Variants in DOCK8 observed in about 807,000 individuals in gnomAD.
The protein encoded by DOCK8 is dedicator of cytokinesis protein 8.
DOCK8 carries 141 observed loss-of-function variants against 245.6 expected under a neutral mutation model. That is an observed-to-expected ratio of 0.57 (90% CI 0.50 to 0.66). The LOEUF is 0.66. DOCK8 is among the 30% of genes least tolerant of loss of function. The pLI is 0.00. For missense variants in DOCK8, 2,965 were observed against 2,603.4 expected (o/e 1.14, Z -3.02); for synonymous variants, 1,168 against 970.2 (o/e 1.20, Z -3.79).
At chr9:378,151 G>A (rs1391319684) in intron 20 of DOCK8, among the ~76,000 whole-genome samples, 1 of 152,208 alleles carries the variant, frequency 6.6e-6, no homozygotes, top group African/African-American at 2.4e-5. Context: ...ACTCCTCAAA[G>A]GGACACAGCT....
chr9:434,704 GA>G, intron 38 of DOCK8, 78 bp from the exon 39 acceptor site: 2 of 1,508,006 alleles, frequency 1.3e-6, no homozygotes, highest in Non-Finnish European at 9.1e-7. Flanking sequence ...GAGAAAAAAA[GA>G]AAAGGTCACA....
At chr9:284,806 C>G (rs1482448003) in intron 2 of DOCK8, among the ~76,000 whole-genome samples, 1 of 152,136 alleles carries the variant, frequency 6.6e-6, no homozygotes, top group African/African-American at 2.4e-5. Flanking sequence ...ATGGATGGAA[C>G]TGGAGGCTAT....
intron 6 of DOCK8, among the ~76,000 whole-genome samples, chr9:315,482 G>C (rs1226695410): frequency 6.6e-6 from 1 of 152,116 alleles, no homozygotes; most frequent in Non-Finnish European, 1.5e-5. Flanking sequence ...GAGACAGTCA[G>C]GGAAATTTGA....
intron 1 of DOCK8, among the ~76,000 whole-genome samples, chr9:224,973 C>T (rs1054019441): frequency 1.3e-5 from 2 of 152,298 alleles, no homozygotes; most frequent in East Asian, 3.9e-4. Flanking sequence ...TAATATCTTA[C>T]TCTTTCATTC....
At chr9:390,645 A>G in intron 24 of DOCK8, 79 bp downstream of exon 24, 4 of 1,388,156 alleles carry the variant, frequency 2.9e-6, no homozygotes, top group Non-Finnish European at 4.1e-6. Context: ...CATTTTGTTC[A>G]CTGAGTTGCC....
chr9:340,992 T>G (rs1395011443), intron 14 of DOCK8, among the ~76,000 whole-genome samples: 1 of 152,220 alleles, frequency 6.6e-6, no homozygotes, highest in Non-Finnish European at 1.5e-5. Context: ...AAGGACAGGT[T>G]TTCAGCTAAA....
intron 4 of DOCK8, among the ~76,000 whole-genome samples, chr9:301,914 T>C (rs982854119): frequency 6.6e-6 from 1 of 152,002 alleles, no homozygotes; most frequent in Non-Finnish European, 1.5e-5. Flanking sequence ...AAAACAGCCA[T>C]AGTGCCCAAA....
At chr9:232,138 C>T (rs190718053) in intron 1 of DOCK8, among the ~76,000 whole-genome samples, 3 of 152,258 alleles carry the variant, frequency 2.0e-5, no homozygotes, top group Non-Finnish European at 2.9e-5. Flanking sequence ...GCCTTTTCTG[C>T]ATCTATTGAG....
At chr9:402,992 C>T (rs1004817995) in intron 26 of DOCK8, among the ~76,000 whole-genome samples, 4 of 152,182 alleles carry the variant, frequency 2.6e-5, no homozygotes, top group South Asian at 2.1e-4. Context: ...CAGGTTCAAG[C>T]GATTCTCCTT....
chr9:365,143 G>T (rs991950621), intron 14 of DOCK8, among the ~76,000 whole-genome samples: 1 of 152,240 alleles, frequency 6.6e-6, no homozygotes, highest in African/African-American at 2.4e-5. Context: ...GGAAACCCTT[G>T]TAGGGGACTG....
At chr9:366,315 CAGGGAGTCACCCAAAAT>C (rs1171405081) in intron 14 of DOCK8, 4 of 152,560 alleles carry the variant, frequency 2.6e-5, no homozygotes, top group Non-Finnish European at 5.9e-5. Flanking sequence ...ATTCTGCCTC[CAGGGAGTCACCCAAAAT>C]AGAGAGATGA....
chr9:449,796 C>G lies in DOCK8; in HGVS notation c.5830C>G (p.Pro1944Ala). The G allele has an allele frequency of 1.9e-6, 3 of 1,612,822 alleles. No homozygotes were observed. The highest frequency in any genetic ancestry group is 2.5e-6 in the Non-Finnish European group (3 of 1,180,008). Reference protein sequence around the residue: ...VIQKEEFVLTPIEVAIEDMKK... With the variant: ...VIQKEEFVLTAIEVAIEDMKK... Reference sequence around the variant, plus strand: ...GTCTCATGTTCAGTTTGTTTTGACACCGATTGAAGTTGCCATTGAAGACAT... The same window carrying G: ...GTCTCATGTTCAGTTTGTTTTGACAGCGATTGAAGTTGCCATTGAAGACAT... Residue 1944 changes from proline to alanine, a missense_variant, in exon 45 of 48, where the codon CCG (proline) becomes GCG (alanine). By Grantham distance (27) the Pro-to-Ala change is conservative. This residue lies in a region of DOCK8 where 2,825 missense variants were observed against 2,453.5 expected (regional missense o/e 1.15). Transcript: ENST00000432829.
At chr9:349,320 G>C (rs922771204) in intron 14 of DOCK8, among the ~76,000 whole-genome samples, 9 of 152,122 alleles carry the variant, frequency 5.9e-5, no homozygotes, top group African/African-American at 2.2e-4. Flanking sequence ...TTCAAAAAAT[G>C]TGCCAGTCCT....
At chr9:352,944 C>A (rs7048884) in intron 14 of DOCK8, among the ~76,000 whole-genome samples, 1 of 151,802 alleles carries the variant, frequency 6.6e-6, no homozygotes, top group Non-Finnish European at 1.5e-5. Context: ...GATATCTTCC[C>A]TTTGAAAAAT....
intron 39 of DOCK8, among the ~76,000 whole-genome samples, chr9:438,910 C>A (rs937847510): frequency 2.0e-5 from 3 of 152,210 alleles, no homozygotes; most frequent in Non-Finnish European, 4.4e-5. Context: ...TTAATTGGGT[C>A]TTTGCCTTTT....
In DOCK8 at chr9:325,743, A is replaced by G; in HGVS notation, c.894+6A>G. The G allele has an allele frequency of 6.2e-7, 1 of 1,612,422 alleles. No homozygotes were observed. The highest frequency in any genetic ancestry group is 8.5e-7 in the Non-Finnish European group (1 of 1,178,426). Reference sequence around the variant, plus strand: ...ATGTTAAAGAAAGGAAAAAGGTAAGAAAGCAAAGAAAAATCCATCCCTAAG... The same window carrying G: ...ATGTTAAAGAAAGGAAAAAGGTAAGGAAGCAAAGAAAAATCCATCCCTAAG... On this transcript the variant is annotated splice_donor_region_variant and intron_variant, in intron 8 of 47. Transcript: ENST00000432829.
intron 3 of DOCK8, among the ~76,000 whole-genome samples, chr9:287,801 G>A (rs187186542): frequency 1.1e-4 from 16 of 152,178 alleles, no homozygotes; most frequent in African/African-American, 3.9e-4. Flanking sequence ...CTTTAGTGAA[G>A]AATCATTTAA....
chr9:461,365 T>G lies in DOCK8; in HGVS notation c.6069-2152T>G, dbSNP rs28618364. On this transcript the variant is annotated intron_variant, in intron 46 of 47. Transcript: ENST00000432829. ...CTATTAGATGTGGGTTGGATCTTCC[T>G]TATATCTCTATGTTTCTTAACCAAT... Among the ~76,000 whole-genome samples the G allele has an allele frequency of 6.0e-3, 921 of 152,264 alleles. 9 individuals are homozygous for G. The highest frequency in any genetic ancestry group is 0.03 in the Admixed American group (459 of 15,288).
chr9:453,224 A>G (rs570289331), intron 46 of DOCK8, among the ~76,000 whole-genome samples: 8 of 152,332 alleles, frequency 5.3e-5, no homozygotes, highest in Non-Finnish European at 1.0e-4. Flanking sequence ...GCTTGGTAAT[A>G]GGATGTTTGT....
Sources: gnomAD v4.1 joint callset for allele counts (sites outside exome capture counted in the v4.1 genomes callset) on GRCh38, gnomAD v4.1.1 for gene constraint, gnomAD v4.1.1 regional missense constraint, MANE v1.5 for transcripts, NCBI Gene and HGNC (gene_info 2026-07-23, HGNC 2026-07-21) for gene names.